MUCL3: variants seen among roughly 807,000 people sequenced by gnomAD.
The protein encoded by MUCL3 is mucin like 3.
MUCL3 carries 42 observed loss-of-function variants against 70.2 expected under a neutral mutation model. That is an observed-to-expected ratio of 0.60 (90% confidence interval 0.47 to 0.77). The LOEUF (loss-of-function observed/expected upper bound fraction) is 0.77, where lower values mean the gene tolerates loss of function less well. Among genes scored for constraint, MUCL3 ranks in the 30% least tolerant of loss-of-function variants. The probability of loss-of-function intolerance (pLI) is 0.00; values close to 1 mark genes in which losing one functional copy is unlikely to be tolerated. For synonymous variants in MUCL3, 522 were observed against 647.0 expected, an observed-to-expected ratio of 0.81 and a Z score of 2.93; for missense variants, 1,429 against 1,670.0, an observed-to-expected ratio of 0.86 and a Z score of 2.52.
rs781478100 is a variant in MUCL3 at position 30,951,938 on chromosome 6, G to T, written c.3474G>T (p.Lys1158Asn). 1 of 1,612,594 alleles carries T rather than the reference G, an allele frequency of 6.2e-7. No homozygotes were observed. Among genetic ancestry groups the T allele is most frequent in the Non-Finnish European group, 8.5e-7 (1 of 1,179,728 alleles). ...AAAGGACCACATTGGCCCATGAGAA[G>T]ATGACACAAGTCACAGAAAAGTCCA... ...HAKRTTLAHE[K>N]MTQVTEKSTE... is the part of the protein sequence containing the mutation. Residue 1158 changes from lysine to asparagine, a missense_variant, in exon 2 of 3, where the codon AAG becomes AAT. Coordinates refer to ENST00000462446, the MANE Select transcript of MUCL3 (RefSeq NM_080870.4).
rs1175077623 is a variant in MUCL3 at position 30,951,597 on chromosome 6, G to A, written c.3133G>A (p.Glu1045Lys). The A allele has an allele frequency of 1.3e-6, 2 of 1,542,420 alleles. No individual in the cohort carries two copies. Among genetic ancestry groups the A allele is most frequent in the Non-Finnish European group, 1.8e-6 (2 of 1,139,054 alleles). ...ATCTCCAGCAAAGCCTACAGAACACGAAGAAATGACCCCATCGGCCAATGA... is the reference window on the plus strand; with the variant it reads ...ATCTCCAGCAAAGCCTACAGAACACAAAGAAATGACCCCATCGGCCAATGA... ...IPSPAKPTEH[E>K]EMTPSANENT... Residue 1045 changes from glutamate to lysine, a missense_variant, in exon 2 of 3, where the codon GAA (glutamate) becomes AAA (lysine). Transcript: ENST00000462446.
chr6:30,941,052 T>C lies in MUCL3; in HGVS notation c.53T>C (p.Leu18Pro). Residue 18 changes from leucine (L) to proline (P), a missense_variant, in exon 1 of 3, where the codon CTC (leucine) becomes CCC (proline). Physicochemically the swap from Leu to Pro is moderately conservative, Grantham distance 98. Transcript: ENST00000462446. ...LCSAFGLQCCLLFLLASWGAG... is the reference protein window; with the variant it reads ...LCSAFGLQCCPLFLLASWGAG... ...TCCGCCTTTGGCCTCCAGTGCTGCC[T>C]CCTCTTCCTTCTAGCTTCTTGGGGG... The C allele has an allele frequency of 6.4e-7, 1 of 1,550,694 alleles. No individual in the cohort carries two copies. Among genetic ancestry groups the C allele is most frequent in the Non-Finnish European group, 8.7e-7 (1 of 1,146,968 alleles).
At chr6:30,948,368 C>T (rs1209412460) in intron 1 of MUCL3, among the ~76,000 whole-genome samples, 179 bp from the exon 2 acceptor site, 1 of 152,112 alleles carries the variant, frequency 6.6e-6, no homozygotes, top group African/African-American at 2.4e-5. Flanking sequence ...TTGCTGAAGG[C>T]ACAGCCTGAG....
intron 2 of MUCL3, 113 bp downstream of exon 2, chr6:30,952,612 G>A: frequency 8.3e-7 from 1 of 1,203,228 alleles, no homozygotes; most frequent in Non-Finnish European, 1.1e-6. Flanking sequence ...CATGGCAGAA[G>A]TGGGAGGAAC....
rs534762677 is a variant in MUCL3, at chr6:30,953,328, T to G, written c.*211T>G. ...AGTTTAGGGGACAAAGAAGAAAGAA[T>G]GAATAATACGAGCAGACATTCTCTG... On this transcript the variant is annotated 3_prime_UTR_variant, in exon 3 of 3. Transcript: ENST00000462446. The G allele has an allele frequency of 3.0e-6, 2 of 658,798 alleles. No individual in the cohort carries two copies. Among genetic ancestry groups the G allele is most frequent in the East Asian group, 5.5e-5 (2 of 36,418 alleles). 40.8% of individuals were successfully genotyped at this position (658,798 alleles called of 1,614,324 possible).
chr6:30,942,375 C>A (rs1488750822), intron 1 of MUCL3, among the ~76,000 whole-genome samples: 1 of 152,128 alleles, frequency 6.6e-6, no homozygotes, highest in African/African-American at 2.4e-5. Context: ...AGGGTCTCCA[C>A]AAGGCAGATG....
chr6:30,948,309 C>T (rs907232365), intron 1 of MUCL3, among the ~76,000 whole-genome samples: 1 of 152,110 alleles, frequency 6.6e-6, no homozygotes, highest in Admixed American at 6.5e-5. Context: ...AGCCAGAAGG[C>T]CTTGAGATGG....
Position 30,949,674 on chromosome 6 carries a change from G to T in MUCL3, c.1210G>T (p.Glu404Ter). The change falls in exon 2 of 3, where the codon GAA becomes TAA. Residue 404 changes from glutamate (E) to a stop codon, truncating the protein, a stop_gained. Coordinates refer to ENST00000462446, the MANE Select transcript of MUCL3 (RefSeq NM_080870.4). LOFTEE classifies it high-confidence loss of function. ...PSPAEPTEHG[E>*]RTPFANDKTT... ...CCCAGCAGAGCCTACAGAACATGGA[G>T]AAAGGACCCCATTTGCCAATGACAA... 3 of 1,544,186 alleles carry T rather than the reference G, an allele frequency of 1.9e-6. No homozygotes were observed. Among genetic ancestry groups the T allele is most frequent in the Non-Finnish European group, 2.6e-6 (3 of 1,144,726 alleles).
chr6:30,947,530 T>A (rs1336379127), intron 1 of MUCL3, among the ~76,000 whole-genome samples: 1 of 152,038 alleles, frequency 6.6e-6, no homozygotes, highest in African/African-American at 2.4e-5. Flanking sequence ...GCCTTCACTC[T>A]TTTGGCTAGG....
chr6:30,952,340 A>G lies in MUCL3; in HGVS notation c.3876A>G (p.Thr1292=). 6.2e-7 allele frequency: 1 copy of G among 1,614,200 alleles called. No individual in the cohort carries two copies. Among genetic ancestry groups the G allele is most frequent in the Non-Finnish European group, 8.5e-7 (1 of 1,180,028 alleles). ...TGAGTTCTATCACATCAGAAGCCAC[A>G]GGAAACGAGAGCCATCCATACCTCA... ...TKLSSITSEA[T]GNESHPYLNK... The change falls in exon 2 of 3, where the codon ACA becomes ACG. Residue 1292 remains threonine (T), a synonymous_variant. Coordinates refer to ENST00000462446, the MANE Select transcript of MUCL3 (RefSeq NM_080870.4).
At chr6:30,944,411 AG>A (rs1329090346) in intron 1 of MUCL3, among the ~76,000 whole-genome samples, 1 of 152,104 alleles carries the variant, frequency 6.6e-6, no homozygotes, top group African/African-American at 2.4e-5. Flanking sequence ...CCTCCTGAGT[AG>A]CTGGGATTAC....
At chr6:30,941,287 G>A (rs1485749978) in intron 1 of MUCL3, among the ~76,000 whole-genome samples, 1 of 152,052 alleles carries the variant, frequency 6.6e-6, no homozygotes, top group Non-Finnish European at 1.5e-5. Flanking sequence ...TTAAAACATG[G>A]CTCACAGGGC....
rs1262228447 is a variant in MUCL3, at chr6:30,940,973, G to A, written c.-27G>A. 1.3e-6 allele frequency: 2 copies of A among 1,546,730 alleles called. No homozygotes were observed. The highest frequency in any genetic ancestry group is 1.7e-6 in the Non-Finnish European group (2 of 1,146,936). ...TAAGGTGAGGGGTCCGCAGCCCATG[G>A]TCCCCAAGCAGCCACCCAGCTCCGA... On this transcript the variant is annotated 5_prime_UTR_variant, in exon 1 of 3. Transcript: ENST00000462446. This position sits in a 1 kb window ranked among gnomAD's most constrained non-coding sequence, Gnocchi z 4.4.
Position 30,949,573 on chromosome 6 carries a change from A to G in MUCL3, c.1109A>G (p.Asn370Ser). 1 of 1,551,240 alleles carries G rather than the reference A, an allele frequency of 6.4e-7. No individual in the cohort carries two copies. The highest frequency in any genetic ancestry group is 1.2e-5 in the South Asian group (1 of 84,010). The stretch of plus-strand genomic sequence containing the variant: ...ACAGAACATGGAGAAAGGACAGCCA[A>G]TGAGAACACCACACCATCCCCAGCA... ...EPTEHGERTA[N>S]ENTTPSPAEP... Residue 370 changes from asparagine (N) to serine (S), a missense_variant, in exon 2 of 3, where the codon AAT (asparagine) becomes AGT (serine). Coordinates refer to ENST00000462446, the MANE Select transcript of MUCL3 (RefSeq NM_080870.4).
intron 2 of MUCL3, among the ~76,000 whole-genome samples, chr6:30,952,726 G>T (rs1000631747): frequency 1.3e-5 from 2 of 152,086 alleles, no homozygotes; most frequent in African/African-American, 4.8e-5. Context: ...AGAATGAAAG[G>T]GTGTGAAAGA....
chr6:30,950,277 G>T lies in MUCL3; in HGVS notation c.1813G>T (p.Glu605Ter), dbSNP rs1272440115. Residue 605 changes from glutamate to a stop codon, truncating the protein, a stop_gained, in exon 2 of 3, where the codon GAA becomes TAA. Transcript: ENST00000462446. LOFTEE classifies it high-confidence loss of function. ...ATCCTCAGCAGAGCCTACAGAACAC[G>T]AAGAAAGGACTCCACTGGCCAATGA... ...TSSSAEPTEH[E>*]ERTPLANENT... The T allele has an allele frequency of 6.5e-7, 1 of 1,548,158 alleles. No homozygotes were observed. The highest frequency in any genetic ancestry group is 2.5e-5 in the East Asian group (1 of 40,666).
Position 30,951,317 on chromosome 6 carries a change from T to A in MUCL3, c.2853T>A (p.Asn951Lys). ...CAGAACATGGAGAAAGGATAGCCAA[T>A]GAGAAGGCCACACCATCCCCAGCAA... Reference protein sequence around the residue: ...EPTEHGERIANEKATPSPAKP... With the variant: ...EPTEHGERIAKEKATPSPAKP... Residue 951 changes from asparagine to lysine, a missense_variant, in exon 2 of 3, where the codon AAT becomes AAA. By Grantham distance (94) the Asn-to-Lys change is moderately conservative. Transcript: ENST00000462446. 1 of 1,544,400 alleles carries A rather than the reference T, an allele frequency of 6.5e-7. No homozygotes were observed. The highest frequency in any genetic ancestry group is 8.7e-7 in the Non-Finnish European group (1 of 1,145,500).
Position 30,949,895 on chromosome 6 carries a change from A to G in MUCL3, c.1431A>G (p.Val477=). 1 of 1,550,608 alleles carries G rather than the reference A, an allele frequency of 6.4e-7. No individual in the cohort carries two copies. The highest frequency in any genetic ancestry group is 8.7e-7 in the Non-Finnish European group (1 of 1,146,450). The change falls in exon 2 of 3, where the codon GTA becomes GTG. Residue 477 remains valine, a synonymous_variant. Coordinates refer to ENST00000462446, the MANE Select transcript of MUCL3 (RefSeq NM_080870.4). ...ACGAGAAGACCACACTATCCCCAGTAGAGCCTACAGAAAATAGAGAAACAA... is the reference window on the plus strand; with the variant it reads ...ACGAGAAGACCACACTATCCCCAGTGGAGCCTACAGAAAATAGAGAAACAA... ...TANEKTTLSP[V]EPTENRETTA...
Position 30,949,448 on chromosome 6 carries a change from A to G in MUCL3, c.984A>G (p.Glu328=). ...LSPAEPIENR[E]RTANENTAPF... ...CAGCAGAGCCTATAGAAAATAGAGA[A>G]AGGACAGCCAATGAGAACACCGCAC... The change falls in exon 2 of 3, where the codon GAA becomes GAG. Residue 328 remains glutamate, a synonymous_variant. Coordinates refer to ENST00000462446, the MANE Select transcript of MUCL3 (RefSeq NM_080870.4). 6.6e-7 allele frequency: 1 copy of G among 1,510,528 alleles called. No individual in the cohort carries two copies. The highest frequency in any genetic ancestry group is 1.2e-5 in the South Asian group (1 of 82,650). 93.6% of individuals were successfully genotyped at this position (1,510,528 alleles called of 1,614,324 possible). A position where few individuals can be genotyped will look rare whatever the true frequency, so the allele number is the denominator to read the frequency against.
Sources: allele counts gnomAD v4.1 joint callset (sites outside exome capture counted in the v4.1 genomes callset), GRCh38; gene constraint gnomAD v4.1.1; non-coding constraint Gnocchi (gnomAD v3.1); transcripts MANE v1.5; gene names NCBI Gene and HGNC (gene_info 2026-07-23, HGNC 2026-07-21).